The following PCLO variants were observed in gnomAD, a reference collection of about 807,000 sequenced individuals.
PCLO encodes the protein piccolo presynaptic cytomatrix protein, also known as protein piccolo.
In PCLO, 82 loss-of-function variants were observed where a neutral mutation model predicts 427.5. The ratio of observed to expected loss-of-function variants is 0.19; its 90% CI spans 0.16 to 0.23. The LOEUF (loss-of-function observed/expected upper bound fraction) is 0.23. Among genes scored for constraint, PCLO ranks in the 10% least tolerant of loss-of-function variants. The pLI is 1.00. For missense variants in PCLO, 6,239 were observed against 6,115.9 expected, an observed-to-expected ratio of 1.02 and a Z score of -0.67; for synonymous variants, 2,357 against 2,155.4, an observed-to-expected ratio of 1.09 and a Z score of -2.59.
chr7:83,018,289 A>G (rs1208857997), intron 3 of PCLO, among the ~76,000 whole-genome samples: 1 of 152,014 alleles, frequency 6.6e-6, no homozygotes, highest in East Asian at 1.9e-4. Flanking sequence ...AAACATATAT[A>G]AAGAATGTTA....
Position 83,085,099 on chromosome 7 carries a change from T to C in PCLO, c.3300+49151A>G, listed in dbSNP as rs577845182. Among the ~76,000 whole-genome samples the C allele has an allele frequency of 3.1e-4, 47 of 152,258 alleles. 1 individual carries two copies. Among genetic ancestry groups the C allele is most frequent in the Non-Finnish European group, 5.3e-4 (36 of 68,016 alleles). ...GGTTGGCTCAAAGATCATAAAAACA[T>C]ACACTACCAATGATGCACAATTCAT... is the stretch of plus-strand genomic sequence containing the variant. On this transcript the variant is annotated intron_variant, in intron 3 of 24. Transcript: ENST00000333891.
chr7:83,048,721 C>T (rs911140169), intron 3 of PCLO, among the ~76,000 whole-genome samples: 1 of 152,034 alleles, frequency 6.6e-6, no homozygotes, highest in African/African-American at 2.4e-5. Flanking sequence ...GAGATTCATC[C>T]TTTCCTTTAT....
intron 7 of PCLO, among the ~76,000 whole-genome samples, chr7:82,910,185 C>A (rs1210966197): frequency 2.6e-5 from 4 of 152,088 alleles, no homozygotes; most frequent in African/African-American, 9.7e-5. Flanking sequence ...TCAACCTCCA[C>A]TTTCTTGAAA....
At chr7:82,798,620 A>G (rs1791277958) in intron 22 of PCLO, among the ~76,000 whole-genome samples, 1 of 152,168 alleles carries the variant, frequency 6.6e-6, no homozygotes, top group South Asian at 2.1e-4. Context: ...CACTCTGTTT[A>G]TATATTCTTT....
chr7:82,859,521 A>G (rs1179217592), intron 10 of PCLO, among the ~76,000 whole-genome samples: 1 of 152,230 alleles, frequency 6.6e-6, no homozygotes, highest in African/African-American at 2.4e-5. Flanking sequence ...TACCTTTACA[A>G]GTCTGCCAGA....
chr7:83,137,470 G>T (rs1012151857), intron 2 of PCLO, among the ~76,000 whole-genome samples: 1 of 152,090 alleles, frequency 6.6e-6, no homozygotes, highest in African/African-American at 2.4e-5. Context: ...TCGCTCTGTC[G>T]CCCAGGCTGG....
intron 3 of PCLO, among the ~76,000 whole-genome samples, chr7:83,052,212 C>G (rs1789272938): frequency 6.6e-6 from 1 of 151,686 alleles, no homozygotes; most frequent in South Asian, 2.1e-4. Flanking sequence ...AACAAATGTA[C>G]CACACTAATG....
intron 10 of PCLO, among the ~76,000 whole-genome samples, chr7:82,861,089 A>G (rs1792943640): frequency 6.6e-6 from 1 of 152,014 alleles, no homozygotes; most frequent in East Asian, 1.9e-4. Context: ...AAATGGCAGG[A>G]GTAGGCTCTA....
At chr7:83,017,544 C>T (rs1788238035) in intron 3 of PCLO, among the ~76,000 whole-genome samples, 1 of 151,836 alleles carries the variant, frequency 6.6e-6, no homozygotes, top group East Asian at 1.9e-4. Flanking sequence ...GTTCACTGAA[C>T]TCCAAAGAAA....
chr7:83,082,829 G>A (rs1226855590), intron 3 of PCLO, among the ~76,000 whole-genome samples: 1 of 151,382 alleles, frequency 6.6e-6, no homozygotes, highest in African/African-American at 2.4e-5. Flanking sequence ...GGAAAAATAG[G>A]TATTAAAAAT....
intron 22 of PCLO, among the ~76,000 whole-genome samples, chr7:82,775,223 A>T (rs1170347835): frequency 6.6e-6 from 1 of 152,188 alleles, no homozygotes; most frequent in Non-Finnish European, 1.5e-5. Flanking sequence ...TTTTGTGGTC[A>T]TGAGTTTTTA....
intron 3 of PCLO, among the ~76,000 whole-genome samples, chr7:83,109,290 A>G (rs1375922079): frequency 6.6e-6 from 1 of 152,066 alleles, no homozygotes; most frequent in African/African-American, 2.4e-5. Context: ...TTCTTAATTG[A>G]TTGCTTTTCT....
intron 3 of PCLO, among the ~76,000 whole-genome samples, chr7:82,985,241 A>G (rs1796232358): frequency 6.6e-6 from 1 of 152,068 alleles, no homozygotes; most frequent in Non-Finnish European, 1.5e-5. Flanking sequence ...ACAAGGTAAT[A>G]GTATATAGGC....
intron 3 of PCLO, among the ~76,000 whole-genome samples, chr7:83,070,388 GTTT>G (rs35523358): frequency 1.4e-5 from 2 of 138,522 alleles, no homozygotes; most frequent in Non-Finnish European, 1.6e-5. Flanking sequence ...ACGTTTTGTG[GTTT>G]TTTTTTTTTT....
At chr7:82,849,604 G>A (rs558881247) in intron 10 of PCLO, among the ~76,000 whole-genome samples, 53 of 152,072 alleles carry the variant, frequency 3.5e-4, no homozygotes, top group African/African-American at 1.2e-3. Context: ...ATAACAAATC[G>A]CTCCTTATTT....
chr7:82,863,491 A>G (rs865900791), intron 10 of PCLO, among the ~76,000 whole-genome samples: 4 of 151,968 alleles, frequency 2.6e-5, no homozygotes, highest in Admixed American at 1.3e-4. Context: ...ATAAAAAATC[A>G]AATGTCATTT....
At position 82,755,963 on chromosome 7, in the gene PCLO, G is replaced by A. The variant is rs1364406617; in HGVS notation, c.*2612C>T. The stretch of plus-strand genomic sequence containing the variant: ...AAGAAGCCCTGTTGTCAACTCTGCT[G>A]ATTGACCTAGCCCCATCGCTAGTTC... On this transcript the variant is annotated 3_prime_UTR_variant, in exon 25 of 25. Coordinates refer to ENST00000333891, the MANE Select transcript of PCLO (RefSeq NM_033026.6). 6.6e-6 allele frequency: 1 copy of A among 152,150 alleles called. No homozygotes were observed. The highest frequency in any genetic ancestry group is 2.4e-5 in the African/African-American group (1 of 41,440). The allele number at this position is 152,150 out of a possible 1,614,324, so 9.4% of individuals were successfully genotyped here. A position where few individuals can be genotyped will look rare whatever the true frequency, so the allele number is the denominator to read the frequency against.
chr7:83,024,556 A>C (rs1358881532), intron 3 of PCLO, among the ~76,000 whole-genome samples: 3 of 152,178 alleles, frequency 2.0e-5, no homozygotes, highest in Non-Finnish European at 2.9e-5. Flanking sequence ...CCCAGGCTTG[A>C]TTAGGTAAAC....
intron 3 of PCLO, among the ~76,000 whole-genome samples, chr7:83,095,211 GT>G (rs200062207): frequency 0.018 from 2,797 of 151,870 alleles, 91 homozygotes; most frequent in African/African-American, 0.063. Context: ...TTGAGGAATC[GT>G]TTTTTTCTAC....
Sources: gnomAD v4.1 joint callset for allele counts (sites outside exome capture counted in the v4.1 genomes callset) on GRCh38, gnomAD v4.1.1 for gene constraint, MANE v1.5 for transcripts, NCBI Gene and HGNC (gene_info 2026-07-23, HGNC 2026-07-21) for gene names.